KLHL2: variants seen among roughly 807,000 people sequenced by gnomAD.
KLHL2 encodes kelch like family member 2.
KLHL2 carries 15 observed loss-of-function variants against 75.8 expected under a neutral mutation model. That is an observed-to-expected ratio of 0.20 (90% CI 0.13 to 0.30). KLHL2 has a LOEUF of 0.30. Ranked by LOEUF, KLHL2 falls within the 10% of genes least tolerant of loss-of-function variation. The pLI, the probability that KLHL2 is intolerant of heterozygous loss-of-function variation, is 1.00. For missense variants in KLHL2, 381 were observed against 741.0 expected, an observed-to-expected ratio of 0.51 and a Z score of 5.64; for synonymous variants, 214 against 251.9, an observed-to-expected ratio of 0.85 and a Z score of 1.42.
chr4:165,274,468 G>C (rs1407913730), intron 5 of KLHL2, among the ~76,000 whole-genome samples: 1 of 152,170 alleles, frequency 6.6e-6, no homozygotes, highest in African/African-American at 2.4e-5. Context: ...AATTAGCCAG[G>C]CGTGGTTGCA....
At chr4:165,309,900 A>T (rs1416393197) in intron 9 of KLHL2, among the ~76,000 whole-genome samples, 1 of 152,228 alleles carries the variant, frequency 6.6e-6, no homozygotes, top group African/African-American at 2.4e-5. Context: ...CCACTAGAAG[A>T]TCCAAAATTG....
intron 5 of KLHL2, chr4:165,278,253 C>G (rs1425386933): frequency 1.4e-5 from 15 of 1,102,460 alleles, no homozygotes; most frequent in Non-Finnish European, 2.0e-5. Context: ...CCTTCTGCAG[C>G]CCCTGCCGCC....
At chr4:165,213,234 T>C (rs548497497) in intron 1 of KLHL2, among the ~76,000 whole-genome samples, 1 of 152,222 alleles carries the variant, frequency 6.6e-6, no homozygotes, top group South Asian at 2.1e-4. Context: ...ACTTTTTCAC[T>C]GGTCTTCTAT....
At chr4:165,314,289 T>C (rs1201980145) in intron 13 of KLHL2, 123 bp downstream of exon 13, 1 of 901,206 alleles carries the variant, frequency 1.1e-6, no homozygotes, top group African/African-American at 1.7e-5. Context: ...GGTTCCCTGA[T>C]AGACTCTGAA....
At chr4:165,298,273 CT>C (rs113313218) in intron 7 of KLHL2, among the ~76,000 whole-genome samples, 37,131 of 151,930 alleles carry the variant, frequency 0.24, 5,151 homozygotes, top group Middle Eastern at 0.34. Context: ...ATCTTCTTTA[CT>C]GTTTTTTTCT....
rs11943021 is a variant in KLHL2, at chr4:165,250,630, C to T, written c.381+11731C>T. On this transcript the variant is annotated intron_variant, in intron 4 of 14. Coordinates refer to ENST00000226725, the MANE Select transcript of KLHL2 (RefSeq NM_007246.4). ...AAATGAGGCCAACAGTGCTTTGCCA[C>T]TGCATTGAAATCGTGTAAAAATATA... 2.9e-3 allele frequency among the ~76,000 whole-genome samples: 447 copies of T among 152,272 alleles called. 3 individuals are homozygous for T. Among genetic ancestry groups the T allele is most frequent in the African/African-American group, 0.01 (423 of 41,548 alleles).
Position 165,291,364 on chromosome 4 carries a change from A to G in KLHL2, c.545-2995A>G, listed in dbSNP as rs183153012. Among the ~76,000 whole-genome samples, 974 of 152,000 alleles carry G rather than the reference A, an allele frequency of 6.4e-3. 8 individuals carry two copies. Among genetic ancestry groups the G allele is most frequent in the African/African-American group, 0.022 (892 of 41,474 alleles). On this transcript the variant is annotated intron_variant, in intron 5 of 14. Transcript: ENST00000226725. ...AGTCCAACTTAACCATTTTTTTTTC[A>G]TGGATAATACTTTTGATGTTGTATC...
At chr4:165,213,328 A>G (rs1737326490) in intron 1 of KLHL2, among the ~76,000 whole-genome samples, 2 of 152,216 alleles carry the variant, frequency 1.3e-5, no homozygotes, top group African/African-American at 4.8e-5. Flanking sequence ...GAAGTGACTT[A>G]TCAAAACCAG....
intron 5 of KLHL2, chr4:165,278,123 A>G: frequency 6.5e-7 from 1 of 1,550,060 alleles, no homozygotes; most frequent in Non-Finnish European, 8.9e-7. Context: ...CATTGACTTC[A>G]TCACAGCTTT....
At chr4:165,287,092 A>C (rs541994639) in intron 5 of KLHL2, among the ~76,000 whole-genome samples, 11 of 152,228 alleles carry the variant, frequency 7.2e-5, no homozygotes, top group Non-Finnish European at 1.5e-4. Flanking sequence ...ATTGTGAAAC[A>C]GATCTCTAGA....
chr4:165,270,405 T>C (rs1742595424), intron 5 of KLHL2, among the ~76,000 whole-genome samples: 1 of 152,224 alleles, frequency 6.6e-6, no homozygotes, highest in Non-Finnish European at 1.5e-5. Flanking sequence ...AGAGATGCTC[T>C]GGTTTTTGGA....
chr4:165,267,647 TC>T (rs1442958896), intron 5 of KLHL2, among the ~76,000 whole-genome samples: 2 of 152,150 alleles, frequency 1.3e-5, no homozygotes, highest in African/African-American at 4.8e-5. Context: ...CAGCCTTGCA[TC>T]CCAGGGATGA....
intron 8 of KLHL2, 125 bp from the exon 9 acceptor site, chr4:165,305,483 G>A (rs974595372): frequency 1.4e-6 from 1 of 737,172 alleles, no homozygotes; most frequent in Non-Finnish European, 2.4e-6. Context: ...TTAGATGTTT[G>A]TATTCGCCAG....
Position 165,294,473 on chromosome 4 carries a change from GGATA to G in KLHL2, c.654+6_654+9del. 6.6e-7 allele frequency: 1 copy of G among 1,510,664 alleles called. No homozygotes were observed. The allele number at this position is 1,510,664 out of a possible 1,614,324, so 93.6% of individuals were successfully genotyped here. On this transcript the variant is annotated splice_donor_region_variant and intron_variant, in intron 6 of 14. Coordinates refer to ENST00000226725, the MANE Select transcript of KLHL2 (RefSeq NM_007246.4). The stretch of plus-strand genomic sequence containing the variant: ...ACCATTTCTTCAGAAGAGAAGGTAA[GGATA>G]TTTTTCTTTTCCCAGTGTGCAATGA...
At chr4:165,237,503 A>C (rs984609665) in intron 3 of KLHL2, among the ~76,000 whole-genome samples, 4 of 151,588 alleles carry the variant, frequency 2.6e-5, no homozygotes, top group Non-Finnish European at 5.9e-5. Flanking sequence ...TGTCAAAGAT[A>C]ATCTCCAGGG....
intron 5 of KLHL2, among the ~76,000 whole-genome samples, chr4:165,283,529 A>C (rs532717118): frequency 6.6e-6 from 1 of 152,370 alleles, no homozygotes; most frequent in African/African-American, 2.4e-5. Flanking sequence ...CTTTGACTGC[A>C]TGTCTCACAT....
At chr4:165,249,936 A>G (rs968895213) in intron 4 of KLHL2, among the ~76,000 whole-genome samples, 3 of 152,234 alleles carry the variant, frequency 2.0e-5, no homozygotes, top group African/African-American at 7.2e-5. Context: ...CATCCTGGCT[A>G]ACACGGTGAA....
intron 8 of KLHL2, among the ~76,000 whole-genome samples, chr4:165,303,497 C>CCCCCCT (rs1037547600): frequency 7.0e-6 from 1 of 143,874 alleles, no homozygotes; most frequent in Admixed American, 6.8e-5. Context: ...CAACCTTGCC[C>CCCCCCT]CCCCCGCCGT....
chr4:165,213,808 C>T (rs1300155979), intron 1 of KLHL2, among the ~76,000 whole-genome samples: 1 of 152,056 alleles, frequency 6.6e-6, no homozygotes, highest in Non-Finnish European at 1.5e-5. Flanking sequence ...TTGAATGTTG[C>T]AATTAAAAAT....
Sources: allele counts gnomAD v4.1 joint callset (sites outside exome capture counted in the v4.1 genomes callset), GRCh38; gene constraint gnomAD v4.1.1; transcripts MANE v1.5; gene names NCBI Gene and HGNC (gene_info 2026-07-23, HGNC 2026-07-21).